Variants in SH3GLB1 observed in about 807,000 individuals in gnomAD.
SH3GLB1 encodes SH3 domain containing GRB2 like, endophilin B1.
In SH3GLB1, 17 loss-of-function variants were observed where a neutral mutation model predicts 42.0. The ratio of observed to expected loss-of-function variants is 0.40; its 90% CI spans 0.28 to 0.61. The LOEUF (loss-of-function observed/expected upper bound fraction) is 0.61. Among genes scored for constraint, SH3GLB1 ranks in the 20% least tolerant of loss-of-function variants. The probability of loss-of-function intolerance (pLI) is 0.36; values close to 1 mark genes in which losing one functional copy is unlikely to be tolerated. For missense variants in SH3GLB1, 355 were observed against 426.3 expected (o/e 0.83, Z 1.47); for synonymous variants, 132 against 146.6 (o/e 0.90, Z 0.72).
intron 1 of SH3GLB1, among the ~76,000 whole-genome samples, chr1:86,710,453 C>T (rs956630824): frequency 6.6e-6 from 1 of 151,852 alleles, no homozygotes; most frequent in Non-Finnish European, 1.5e-5. Context: ...TTAGTAGAGA[C>T]GGGGTTTCAC....
At chr1:86,719,910 G>A (rs1654768340) in intron 3 of SH3GLB1, among the ~76,000 whole-genome samples, 1 of 150,632 alleles carries the variant, frequency 6.6e-6, no homozygotes, top group Non-Finnish European at 1.5e-5. Flanking sequence ...GCAGGAGAAT[G>A]GCGTGAACCT....
In SH3GLB1 at chr1:86,705,044, G is replaced by A. The variant is rs758737108; in HGVS notation, c.72+73G>A. On this transcript the variant is annotated intron_variant, in intron 1 of 8. Coordinates refer to ENST00000370558, the MANE Select transcript of SH3GLB1 (RefSeq NM_016009.5). ...GAGGGAGGGGACCGCAGCTCGACGC[G>A]GCGCCCCCGGGCCTCGCCGACCACC... 407 of 1,010,872 alleles carry A rather than the reference G, an allele frequency of 4.0e-4. 1 individual carries two copies. The highest frequency in any genetic ancestry group is 5.4e-4 in the Non-Finnish European group (376 of 699,648). 62.6% of individuals were successfully genotyped at this position (1,010,872 alleles called of 1,614,324 possible).
At chr1:86,724,927 ATATGTGTGTG>A (rs1655110083) in intron 5 of SH3GLB1, among the ~76,000 whole-genome samples, 1 of 141,536 alleles carries the variant, frequency 7.1e-6, no homozygotes, top group African/African-American at 2.7e-5. Flanking sequence ...TATATAATAT[ATATGTGTGTG>A]TATATATATA....
At chr1:86,715,588 A>T in intron 1 of SH3GLB1, 136 bp from the exon 2 acceptor site, 1 of 878,726 alleles carries the variant, frequency 1.1e-6, no homozygotes, top group South Asian at 2.0e-5. Context: ...ATTCATAAGC[A>T]ATGGCTTACA....
intron 5 of SH3GLB1, among the ~76,000 whole-genome samples, chr1:86,726,813 T>A (rs913512762): frequency 6.6e-6 from 1 of 151,884 alleles, no homozygotes; most frequent in Non-Finnish European, 1.5e-5. Flanking sequence ...ATCCTTTTTT[T>A]CCCCCCTGTA....
chr1:86,737,047 T>G (rs1558334136), intron 7 of SH3GLB1, among the ~76,000 whole-genome samples: 1 of 152,334 alleles, frequency 6.6e-6, no homozygotes, highest in East Asian at 1.9e-4. Flanking sequence ...TGTGCATAGG[T>G]GCTCTTCCAG....
At chr1:86,732,140 G>A (rs1285888329) in intron 5 of SH3GLB1, among the ~76,000 whole-genome samples, 1 of 152,156 alleles carries the variant, frequency 6.6e-6, no homozygotes, top group Non-Finnish European at 1.5e-5. Flanking sequence ...TAAGCCATAT[G>A]AATAGTAGTC....
At chr1:86,710,764 C>T (rs2101914911) in intron 1 of SH3GLB1, among the ~76,000 whole-genome samples, 2 of 152,264 alleles carry the variant, frequency 1.3e-5, no homozygotes, top group Admixed American at 1.3e-4. Context: ...AGCAAAACTC[C>T]AGCACAGTGA....
chr1:86,736,148 A>G (rs1386850889), intron 7 of SH3GLB1, among the ~76,000 whole-genome samples: 1 of 152,264 alleles, frequency 6.6e-6, no homozygotes, highest in Non-Finnish European at 1.5e-5. Context: ...GGAATGGTAG[A>G]TGAATCTAGA....
At chr1:86,707,052 C>T (rs1558287190) in intron 1 of SH3GLB1, among the ~76,000 whole-genome samples, 2 of 152,206 alleles carry the variant, frequency 1.3e-5, no homozygotes, top group South Asian at 2.1e-4. Context: ...TGAATAAAAT[C>T]AGCAAAGTGT....
Position 86,745,979 on chromosome 1 carries a change from T to C in SH3GLB1, c.*2744T>C, listed in dbSNP as rs1396824190. ...AAAAGTGATTGGATTGTGTCTACCTTTTTCCTCAAAGTAATCTAACCTAAA... is the reference window on the plus strand; with the variant it reads ...AAAAGTGATTGGATTGTGTCTACCTCTTTCCTCAAAGTAATCTAACCTAAA... On this transcript the variant is annotated 3_prime_UTR_variant, in exon 9 of 9. Coordinates refer to ENST00000370558, the MANE Select transcript of SH3GLB1 (RefSeq NM_016009.5). 2 of 152,640 alleles carry C rather than the reference T, an allele frequency of 1.3e-5. No homozygotes were observed. Among genetic ancestry groups the C allele is most frequent in the East Asian group, 3.9e-4 (2 of 5,192 alleles). The allele number at this position is 152,640 out of a possible 1,614,324, so 9.5% of individuals were successfully genotyped here.
chr1:86,726,787 A>C (rs990159656), intron 5 of SH3GLB1, among the ~76,000 whole-genome samples: 1 of 151,922 alleles, frequency 6.6e-6, no homozygotes, highest in Non-Finnish European at 1.5e-5. Context: ...GCCTGGAGGT[A>C]TTCCTGTATT....
intron 2 of SH3GLB1, among the ~76,000 whole-genome samples, chr1:86,718,829 C>T (rs1044498042): frequency 6.6e-6 from 1 of 151,992 alleles, no homozygotes; most frequent in Non-Finnish European, 1.5e-5. Flanking sequence ...TTCTAATGTT[C>T]TATTATTGCT....
At chr1:86,717,906 A>G (rs989975467) in intron 2 of SH3GLB1, among the ~76,000 whole-genome samples, 1 of 152,246 alleles carries the variant, frequency 6.6e-6, no homozygotes, top group Admixed American at 6.5e-5. Flanking sequence ...ATTATAACCT[A>G]TTGAAATTAA....
rs1193596703 is a variant in SH3GLB1 at position 86,719,645 on chromosome 1, ATGC to A, written c.343+11_343+13del. ...CCAGGAACAGCTTATGGTAAGTGAA[ATGC>A]AAAAAGTTCTAATAAGGGATATCTT... On this transcript the variant is annotated intron_variant, in intron 3 of 8. Coordinates refer to ENST00000370558, the MANE Select transcript of SH3GLB1 (RefSeq NM_016009.5). The A allele has an allele frequency of 1.9e-6, 3 of 1,601,750 alleles. No individual in the cohort carries two copies. The highest frequency in any genetic ancestry group is 1.7e-5 in the Admixed American group (1 of 57,692).
intron 5 of SH3GLB1, among the ~76,000 whole-genome samples, chr1:86,732,805 G>A (rs1655582281): frequency 6.6e-6 from 1 of 151,854 alleles, no homozygotes; most frequent in Non-Finnish European, 1.5e-5. Flanking sequence ...ACCTTAATCT[G>A]CTACCTAGTT....
intron 1 of SH3GLB1, 54 bp downstream of exon 1, chr1:86,705,025 G>A: frequency 8.0e-7 from 1 of 1,251,026 alleles, no homozygotes; most frequent in Non-Finnish European, 1.1e-6. Context: ...GGTTGAGGGA[G>A]GGGACCGCAG....
At chr1:86,706,979 T>A (rs2101906128) in intron 1 of SH3GLB1, among the ~76,000 whole-genome samples, 1 of 152,324 alleles carries the variant, frequency 6.6e-6, no homozygotes, top group Non-Finnish European at 1.5e-5. Context: ...TTTTAAATAT[T>A]TAAGTGTCTA....
At chr1:86,724,473 A>AT in intron 5 of SH3GLB1, 68 bp downstream of exon 5, 1 of 1,234,630 alleles carries the variant, frequency 8.1e-7, no homozygotes, top group Non-Finnish European at 1.1e-6. Flanking sequence ...CTAATAAACC[A>AT]TGAAAGATAC....
Sources: gnomAD v4.1 joint callset for allele counts (sites outside exome capture counted in the v4.1 genomes callset) on GRCh38, gnomAD v4.1.1 for gene constraint, MANE v1.5 for transcripts, NCBI Gene and HGNC (gene_info 2026-07-23, HGNC 2026-07-21) for gene names.